Variants in STPG2 observed in about 807,000 individuals in gnomAD.
STPG2 encodes sperm-tail PG-rich repeat-containing protein 2.
In STPG2, 56 loss-of-function variants were observed where a neutral mutation model predicts 54.2. The observed-to-expected ratio is 1.03, with a 90% CI of 0.83 to 1.29. The LOEUF is 1.29. Among genes scored for constraint, STPG2 ranks in the 50% most tolerant of loss-of-function variants. STPG2 has a pLI of 0.00. For synonymous variants in STPG2, 200 were observed against 181.8 expected (o/e 1.10, Z -0.81); for missense variants, 596 against 544.9 (o/e 1.09, Z -0.93).
At chr4:98,095,334 T>C (rs565615036) in intron 5 of STPG2, among the ~76,000 whole-genome samples, 9 of 152,232 alleles carry the variant, frequency 5.9e-5, no homozygotes, top group East Asian at 1.9e-4. Flanking sequence ...AATAATAACA[T>C]TGAATGTAAA....
At chr4:98,008,839 C>T (rs1478171358) in intron 5 of STPG2, among the ~76,000 whole-genome samples, 2 of 151,978 alleles carry the variant, frequency 1.3e-5, no homozygotes, top group Non-Finnish European at 2.9e-5. Context: ...TTGGTCTGTT[C>T]AATTACCTAT....
chr4:97,733,517 G>A (rs781604114), intron 9 of STPG2, among the ~76,000 whole-genome samples: 4 of 151,792 alleles, frequency 2.6e-5, no homozygotes, highest in African/African-American at 4.8e-5. Flanking sequence ...AGATAAAATC[G>A]CAAATTCACT....
At chr4:97,702,743 T>C (rs1723814515) in intron 10 of STPG2, among the ~76,000 whole-genome samples, 1 of 152,152 alleles carries the variant, frequency 6.6e-6, no homozygotes, top group South Asian at 2.1e-4. Context: ...CCCAGCTTCA[T>C]CAGGGTCCTC....
chr4:97,597,251 T>C lies in STPG2; in HGVS notation c.1321-38134A>G, dbSNP rs1455700765. Reference sequence around the variant, plus strand: ...AACAGACCAATAATGAGTTGCAAAATTGAATCAGTTATAAAAATCCTACCA... The same window carrying C: ...AACAGACCAATAATGAGTTGCAAAACTGAATCAGTTATAAAAATCCTACCA... On this transcript the variant is annotated intron_variant, in intron 10 of 10. Transcript: ENST00000295268. Among the ~76,000 whole-genome samples, 4 of 151,930 alleles carry C rather than the reference T, an allele frequency of 2.6e-5. No individual in the cohort carries two copies. The East Asian group carries it at 7.7e-4, about 29-fold the overall frequency.
intron 7 of STPG2, among the ~76,000 whole-genome samples, chr4:97,961,304 C>A (rs999962194): frequency 6.6e-6 from 1 of 151,964 alleles, no homozygotes; most frequent in East Asian, 1.9e-4. Flanking sequence ...GATTTCATGA[C>A]CAAGGAGAAC....
chr4:98,100,161 G>T (rs1011323040), intron 5 of STPG2, among the ~76,000 whole-genome samples: 3 of 151,920 alleles, frequency 2.0e-5, no homozygotes, highest in Non-Finnish European at 4.4e-5. Flanking sequence ...AAAAACCCAA[G>T]AATTATTTCT....
At chr4:97,608,457 C>T (rs879561800) in intron 10 of STPG2, among the ~76,000 whole-genome samples, 5 of 152,032 alleles carry the variant, frequency 3.3e-5, no homozygotes, top group Admixed American at 2.0e-4. Flanking sequence ...TGTACATTTG[C>T]TGCTGTGCAC....
At chr4:97,881,574 T>C (rs1730376661) in intron 8 of STPG2, among the ~76,000 whole-genome samples, 1 of 152,206 alleles carries the variant, frequency 6.6e-6, no homozygotes, top group South Asian at 2.1e-4. Flanking sequence ...CTTTGGGAAA[T>C]GACATAAATA....
Position 97,840,774 on chromosome 4 carries a change from T to C in STPG2, c.1203A>G (p.Pro401=), listed in dbSNP as rs754649871. Residue 401 remains proline, a splice_region_variant and synonymous_variant, in exon 9 of 11, where the codon CCA becomes CCG. Transcript: ENST00000295268. ...CTTTATAAGGACTTCTAGACTTACC[T>C]GGCCCATCAGTCACTTTTTCTAGGC... ...PRCLEKVTDG[P]GPAAYNPVLR... The C allele has an allele frequency of 3.1e-6, 5 of 1,610,626 alleles. No homozygotes were observed. The Admixed American group carries it at 5.0e-5, about 16-fold the overall frequency.
chr4:97,819,156 A>G (rs934317930), intron 9 of STPG2, among the ~76,000 whole-genome samples: 7 of 151,780 alleles, frequency 4.6e-5, no homozygotes, highest in African/African-American at 1.7e-4. Flanking sequence ...ATTATCCTGC[A>G]TTTTATCACC....
At chr4:97,886,596 C>G (rs1369211726) in intron 8 of STPG2, among the ~76,000 whole-genome samples, 1 of 152,174 alleles carries the variant, frequency 6.6e-6, no homozygotes, top group Non-Finnish European at 1.5e-5. Flanking sequence ...AGAACTCAAA[C>G]TAAAGAATAA....
chr4:97,454,482 C>T (rs1305760225), intron 4 of STPG2, among the ~76,000 whole-genome samples: 13 of 129,098 alleles, frequency 1.0e-4, no homozygotes, highest in African/African-American at 1.7e-4. Flanking sequence ...CACTGCAGTC[C>T]GCAGTCCGGC....
intron 8 of STPG2, among the ~76,000 whole-genome samples, chr4:97,929,633 T>G (rs1355410227): frequency 6.6e-6 from 1 of 152,220 alleles, no homozygotes; most frequent in Non-Finnish European, 1.5e-5. Context: ...ATCAGTGATG[T>G]TGAACTTTTT....
intron 5 of STPG2, among the ~76,000 whole-genome samples, chr4:98,103,997 A>G (rs1342835946): frequency 6.6e-6 from 1 of 152,154 alleles, no homozygotes; most frequent in Non-Finnish European, 1.5e-5. Context: ...AATTGTCTGA[A>G]GCTGAACTCA....
chr4:97,614,546 CA>C (rs1268674023), intron 10 of STPG2, among the ~76,000 whole-genome samples: 1 of 152,106 alleles, frequency 6.6e-6, no homozygotes, highest in Non-Finnish European at 1.5e-5. Context: ...AGAAAGTCAA[CA>C]AGCAAAATGC....
chr4:97,533,895 T>C (rs1731470715), intron 4 of STPG2, among the ~76,000 whole-genome samples: 1 of 152,144 alleles, frequency 6.6e-6, no homozygotes, highest in Admixed American at 6.6e-5. Flanking sequence ...ATATTTTGAA[T>C]ACATACTTTC....
intron 10 of STPG2, among the ~76,000 whole-genome samples, chr4:97,678,983 C>T (rs1333277515): frequency 6.6e-6 from 1 of 152,066 alleles, no homozygotes; most frequent in Non-Finnish European, 1.5e-5. Flanking sequence ...GCATTGTATT[C>T]CATGGTGTAT....
intron 10 of STPG2, among the ~76,000 whole-genome samples, chr4:97,606,307 C>A (rs1222327503): frequency 1.3e-5 from 2 of 151,828 alleles, no homozygotes; most frequent in African/African-American, 4.8e-5. Flanking sequence ...TTATTTTAGA[C>A]TTTAACTGGT....
chr4:97,462,999 A>T (rs984753031), intron 4 of STPG2, among the ~76,000 whole-genome samples: 8 of 152,080 alleles, frequency 5.3e-5, no homozygotes, highest in Non-Finnish European at 8.8e-5. Context: ...TCATTTGTTA[A>T]GTCATTTACA....
Sources: allele counts gnomAD v4.1 joint callset (sites outside exome capture counted in the v4.1 genomes callset), GRCh38; gene constraint gnomAD v4.1.1; transcripts MANE v1.5; gene names NCBI Gene and HGNC (gene_info 2026-07-23, HGNC 2026-07-21).